Variants in KDM2B observed in about 807,000 individuals in gnomAD.
KDM2B encodes the protein lysine demethylase 2B, also known as lysine-specific demethylase 2B.
A neutral mutation model predicts 150.0 loss-of-function variants in KDM2B; 26 were observed. That is an observed-to-expected ratio of 0.17 (90% CI 0.13 to 0.24). The LOEUF (loss-of-function observed/expected upper bound fraction) is 0.24, where lower values mean the gene tolerates loss of function less well. Among genes scored for constraint, KDM2B ranks in the 10% least tolerant of loss-of-function variants. The pLI is 1.00. For missense variants in KDM2B, 1,265 were observed against 1,816.9 expected, an observed-to-expected ratio of 0.70 and a Z score of 5.52; for synonymous variants, 734 against 729.5, an observed-to-expected ratio of 1.01 and a Z score of -0.10.
chr12:121,413,157 C>T, the KDM2B span, among the ~76,000 whole-genome samples: 1 of 152,044 alleles, frequency 6.6e-6, no homozygotes, highest in East Asian at 1.9e-4. Flanking sequence ...TTCCAAGTAG[C>T]TGGGATTACA....
chr12:121,478,723 T>C (rs2139919354), intron 12 of KDM2B, among the ~76,000 whole-genome samples: 1 of 151,936 alleles, frequency 6.6e-6, no homozygotes, highest in East Asian at 1.9e-4. Context: ...GGTCTCACTC[T>C]GTTGCCCAGG....
intron 6 of KDM2B, among the ~76,000 whole-genome samples, chr12:121,536,786 TGTC>T (rs1888147111): frequency 6.6e-6 from 1 of 152,104 alleles, no homozygotes. Flanking sequence ...GTGCTTCTCT[TGTC>T]GACAGCTGGA....
chr12:121,538,360 A>C (rs1555309102), intron 6 of KDM2B, among the ~76,000 whole-genome samples: 2 of 151,642 alleles, frequency 1.3e-5, no homozygotes, highest in Non-Finnish European at 2.9e-5. Flanking sequence ...GACCCGAGCT[A>C]GGGGCCGCGG....
At position 121,468,862 on chromosome 12, in the gene KDM2B, T is replaced by G. The variant is rs981521432; in HGVS notation, c.1735-15518A>C. 6.6e-6 allele frequency: 1 copy of G among 152,214 alleles called. No homozygotes were observed. The highest frequency in any genetic ancestry group is 1.5e-5 in the Non-Finnish European group (1 of 68,044). The allele number at this position is 152,214 out of a possible 1,614,324, so 9.4% of individuals were successfully genotyped here. A position where few individuals can be genotyped will look rare whatever the true frequency, so the allele number is the denominator to read the frequency against. ...ACTATAGAAAAAATCCCAGTCGACTTGCTCTTTGCCGAAACGTATCTGTTC... is the reference window on the plus strand; with the variant it reads ...ACTATAGAAAAAATCCCAGTCGACTGGCTCTTTGCCGAAACGTATCTGTTC... On this transcript the variant is annotated intron_variant, in intron 12 of 22. Transcript: ENST00000377071. The surrounding 1 kb of genome is among the most constrained non-coding windows in gnomAD (Gnocchi z 4.0).
intron 11 of KDM2B, among the ~76,000 whole-genome samples, chr12:121,500,963 T>A (rs1884486422): frequency 6.6e-6 from 1 of 152,112 alleles, no homozygotes. Flanking sequence ...TAGCCAGGCA[T>A]GGCGGCACAT....
intron 2 of KDM2B, among the ~76,000 whole-genome samples, chr12:121,576,945 C>T (rs1382299907): frequency 6.6e-6 from 1 of 152,152 alleles, no homozygotes. Flanking sequence ...AACCCAAAGC[C>T]GGGGAAAGCC....
At chr12:121,456,168 C>A (rs1403777096) in intron 12 of KDM2B, among the ~76,000 whole-genome samples, 1 of 152,234 alleles carries the variant, frequency 6.6e-6, no homozygotes, top group African/African-American at 2.4e-5. Flanking sequence ...GTGCTGTGCA[C>A]TGAACACACT....
At position 121,444,147 on chromosome 12, in the gene KDM2B, C is replaced by T. The variant is rs79980559; in HGVS notation, c.2316G>A (p.Glu772=). The change falls in exon 16 of 23, where the codon GAG becomes GAA. Residue 772 remains glutamate (E), a synonymous_variant. Transcript: ENST00000377071. ...GCTCATCCGACCTGCGCCGGGGCGC[C>T]TCCTCACACTCACTCCTCCGCTTGG... ...EPAKRRSECE[E]APRRRSDEHS... 5.0e-6 allele frequency: 8 copies of T among 1,612,534 alleles called. No individual in the cohort carries two copies. The highest frequency in any genetic ancestry group is 6.8e-6 in the Non-Finnish European group (8 of 1,180,042).
At chr12:121,454,748 C>A (rs1461441482) in intron 12 of KDM2B, among the ~76,000 whole-genome samples, 1 of 152,146 alleles carries the variant, frequency 6.6e-6, no homozygotes, top group African/African-American at 2.4e-5. Flanking sequence ...ACCCTTTGGT[C>A]CAGAGTCCCA....
At chr12:121,444,831 G>C (rs922018710) in intron 14 of KDM2B, 2 of 492,324 alleles carry the variant, frequency 4.1e-6, no homozygotes, top group Non-Finnish European at 7.4e-6. Flanking sequence ...CCATCTCACT[G>C]GGGGGGTATG....
At chr12:121,437,618 G>A (rs1555287093) in intron 22 of KDM2B, among the ~76,000 whole-genome samples, 1 of 152,212 alleles carries the variant, frequency 6.6e-6, no homozygotes, top group Admixed American at 6.5e-5. Flanking sequence ...TTAAGGCATT[G>A]TCTCAGGTAG....
chr12:121,445,154 C>T (rs1012479853), intron 14 of KDM2B, 121 bp downstream of exon 14: 34 of 1,213,420 alleles, frequency 2.8e-5, no homozygotes, highest in Non-Finnish European at 3.7e-5. Context: ...CAGGATCACC[C>T]AGACTCAGGG....
At chr12:121,527,632 T>C (rs1236018082) in intron 8 of KDM2B, among the ~76,000 whole-genome samples, 7 of 114,236 alleles carry the variant, frequency 6.1e-5, no homozygotes, top group Admixed American at 1.3e-4. Context: ...CCAGACTGGG[T>C]GACAGAGGGA....
intron 10 of KDM2B, among the ~76,000 whole-genome samples, chr12:121,511,248 A>T (rs1311326178): frequency 1.4e-5 from 2 of 146,224 alleles, no homozygotes; most frequent in East Asian, 4.0e-4. Flanking sequence ...AACGTCAGGG[A>T]TCCACCCGCC....
Position 121,442,359 on chromosome 12 carries a change from G to A in KDM2B, c.3082C>T (p.Pro1028Ser). 1 of 1,582,728 alleles carries A rather than the reference G, an allele frequency of 6.3e-7. No homozygotes were observed. The change falls in exon 19 of 23, where the codon CCC becomes TCC. Residue 1028 changes from proline to serine, a missense_variant. Coordinates refer to ENST00000377071, the MANE Select transcript of KDM2B (RefSeq NM_032590.5). The surrounding 1 kb of genome is among the most constrained non-coding windows in gnomAD (Gnocchi z 7.7). ...ATACACTTGGGCGGGGACACGGAGG[G>A]TGGGGGCCGGGAGATGACACGGGGC... ...SPPRVISRPP[P>S]SVSPPKCIQM...
At chr12:121,504,888 G>A (rs1208477653) in intron 11 of KDM2B, among the ~76,000 whole-genome samples, 1 of 152,062 alleles carries the variant, frequency 6.6e-6, no homozygotes, top group Non-Finnish European at 1.5e-5. Context: ...AGGCCAAGGC[G>A]GGTGGATCAC....
At chr12:121,436,490 C>T in intron 22 of KDM2B, among the ~76,000 whole-genome samples, 1 of 149,824 alleles carries the variant, frequency 6.7e-6, no homozygotes, top group Non-Finnish European at 1.5e-5. Context: ...AATTGCACTC[C>T]AGCCTGGGCG....
At chr12:121,495,164 A>ATT (rs201375532) in intron 11 of KDM2B, among the ~76,000 whole-genome samples, 2 of 140,878 alleles carry the variant, frequency 1.4e-5, no homozygotes, top group African/African-American at 2.6e-5. Context: ...CCCTGGCTAA[A>ATT]TTTTTTTTTT....
At chr12:121,417,265 C>T in the KDM2B span, among the ~76,000 whole-genome samples, 1 of 152,224 alleles carries the variant, frequency 6.6e-6, no homozygotes, top group African/African-American at 2.4e-5. The surrounding 1 kb of genome is among the most constrained non-coding windows in gnomAD (Gnocchi z 5.0). Context: ...AATTCATTAA[C>T]ACAAGAGTGT....
Sources: gnomAD v4.1 joint callset for allele counts (sites outside exome capture counted in the v4.1 genomes callset) on GRCh38, gnomAD v4.1.1 for gene constraint, Gnocchi (gnomAD v3.1) non-coding constraint, MANE v1.5 for transcripts, NCBI Gene and HGNC (gene_info 2026-07-23, HGNC 2026-07-21) for gene names.